The following MAPK10 variants were observed in gnomAD, a reference collection of about 807,000 sequenced individuals.
MAPK10 encodes mitogen-activated protein kinase 10.
MAPK10 carries 25 observed loss-of-function variants against 59.3 expected under a neutral mutation model. The observed-to-expected ratio is 0.42, with a 90% confidence interval of 0.31 to 0.59. The LOEUF (loss-of-function observed/expected upper bound fraction) is 0.59. Among genes scored for constraint, MAPK10 ranks in the 20% least tolerant of loss-of-function variants. The pLI is 0.15. For missense variants in MAPK10, 351 were observed against 568.9 expected (o/e 0.62, Z 3.90); for synonymous variants, 190 against 200.5 (o/e 0.95, Z 0.44).
chr4:86,576,602 G>A (rs564591914), intron 1 of MAPK10, among the ~76,000 whole-genome samples: 4 of 151,794 alleles, frequency 2.6e-5, no homozygotes, highest in East Asian at 1.9e-4. Flanking sequence ...GCGAAACCCC[G>A]TCTCTACTAA....
At chr4:86,329,583 C>T (rs2290882) in intron 2 of MAPK10, among the ~76,000 whole-genome samples, 36,528 of 151,988 alleles carry the variant, frequency 0.24, 4,789 homozygotes, top group South Asian at 0.43. Flanking sequence ...CCAGCAGCAA[C>T]GAGAGATCCC....
At chr4:86,404,627 A>G (rs1194344713) in intron 1 of MAPK10, among the ~76,000 whole-genome samples, 1 of 152,202 alleles carries the variant, frequency 6.6e-6, no homozygotes, top group African/African-American at 2.4e-5. Flanking sequence ...CAATCCTACC[A>G]TTTTAAGCAC....
intron 1 of MAPK10, among the ~76,000 whole-genome samples, chr4:86,503,027 G>C (rs991974548): frequency 6.6e-6 from 1 of 152,072 alleles, no homozygotes; most frequent in Non-Finnish European, 1.5e-5. Context: ...AATCTCAAAA[G>C]AGGGACTGCT....
intron 4 of MAPK10, among the ~76,000 whole-genome samples, chr4:86,108,079 T>C (rs915363961): frequency 6.6e-6 from 1 of 152,048 alleles, no homozygotes; most frequent in African/African-American, 2.4e-5. Context: ...TCATTAACAA[T>C]AACAAAGCTC....
At chr4:86,189,782 T>G (rs1302550267) in intron 3 of MAPK10, among the ~76,000 whole-genome samples, 1 of 152,200 alleles carries the variant, frequency 6.6e-6, no homozygotes, top group Non-Finnish European at 1.5e-5. Context: ...CTTCCAATAC[T>G]CTGTTGAATA....
intron 1 of MAPK10, among the ~76,000 whole-genome samples, chr4:86,546,532 G>T (rs983512168): frequency 6.6e-6 from 1 of 150,700 alleles, no homozygotes; most frequent in Non-Finnish European, 1.5e-5. Context: ...ACTCCAGCCT[G>T]GGGGACAAGA....
At chr4:86,496,009 C>CA (rs1179699589) in intron 1 of MAPK10, among the ~76,000 whole-genome samples, 3 of 152,040 alleles carry the variant, frequency 2.0e-5, no homozygotes, top group African/African-American at 7.2e-5. Context: ...ACATAAACAT[C>CA]AAAAATTTGA....
chr4:86,052,108 A>G (rs1682303808), intron 11 of MAPK10, among the ~76,000 whole-genome samples: 1 of 152,178 alleles, frequency 6.6e-6, no homozygotes, highest in African/African-American at 2.4e-5. Flanking sequence ...TTAAATCACA[A>G]TAATAAAAAT....
chr4:86,569,525 A>G (rs1217448915), intron 1 of MAPK10, among the ~76,000 whole-genome samples: 1 of 152,196 alleles, frequency 6.6e-6, no homozygotes, highest in East Asian at 1.9e-4. Flanking sequence ...AGCACTGTTC[A>G]CACTAGCAAG....
chr4:86,291,673 A>C (rs551445298), intron 2 of MAPK10, among the ~76,000 whole-genome samples: 20 of 152,180 alleles, frequency 1.3e-4, no homozygotes, highest in African/African-American at 4.3e-4. Context: ...TAGATAATTC[A>C]TTTCTAAGCA....
chr4:86,406,095 C>T (rs1266489145), intron 1 of MAPK10, among the ~76,000 whole-genome samples: 1 of 152,136 alleles, frequency 6.6e-6, no homozygotes, highest in Non-Finnish European at 1.5e-5. Flanking sequence ...CAGAAGAATA[C>T]AGGTAAAGGA....
chr4:86,210,965 T>G (rs1255790178), intron 2 of MAPK10, among the ~76,000 whole-genome samples: 1 of 150,914 alleles, frequency 6.6e-6, no homozygotes, highest in African/African-American at 2.4e-5. Context: ...TGAGACAAAC[T>G]CCAAGGAAGA....
chr4:86,156,402 T>A (rs1391054906), intron 4 of MAPK10, among the ~76,000 whole-genome samples: 2 of 152,088 alleles, frequency 1.3e-5, no homozygotes, highest in Non-Finnish European at 2.9e-5. Context: ...CAGTTTTCTG[T>A]AAATATCCTG....
chr4:86,509,619 C>T (rs1031009797), intron 1 of MAPK10, among the ~76,000 whole-genome samples: 1 of 152,072 alleles, frequency 6.6e-6, no homozygotes, highest in African/African-American at 2.4e-5. Context: ...TAGCCAGTCC[C>T]AGCTAAAATG....
intron 2 of MAPK10, among the ~76,000 whole-genome samples, chr4:86,245,213 C>T (rs939824839): frequency 3.9e-5 from 6 of 152,174 alleles, no homozygotes; most frequent in East Asian, 1.9e-4. Flanking sequence ...CTTTAGACAG[C>T]TTATATTCGA....
At position 86,031,411 on chromosome 4, in the gene MAPK10, G is replaced by C; in HGVS notation, c.1131C>G (p.Asp377Glu). The stretch of plus-strand genomic sequence containing the variant: ...TGTGTTCTCTTTCATCCAACTGCTT[G>C]TCATATATCTGAGGTGGAGGCTGCC... ...EVEAPPPQIY[D>E]KQLDEREHTI... Residue 377 changes from aspartate to glutamate, a missense_variant, in exon 12 of 14, where the codon GAC becomes GAG. Physicochemically the swap from Asp to Glu is conservative, Grantham distance 45. This residue lies in a region of MAPK10 where 155 missense variants were observed against 204.2 expected (regional missense o/e 0.76). Transcript: ENST00000641462. 1 of 1,612,460 alleles carries C rather than the reference G, an allele frequency of 6.2e-7. No homozygotes were observed. Among genetic ancestry groups the C allele is most frequent in the Non-Finnish European group, 8.5e-7 (1 of 1,178,906 alleles).
At chr4:86,318,919 A>T (rs2095840123) in intron 2 of MAPK10, among the ~76,000 whole-genome samples, 2 of 152,116 alleles carry the variant, frequency 1.3e-5, no homozygotes, top group Non-Finnish European at 2.9e-5. Flanking sequence ...TTAAAGTGGG[A>T]CAGCCTAGAT....
intron 1 of MAPK10, among the ~76,000 whole-genome samples, chr4:86,589,345 T>C (rs1295451419): frequency 3.3e-5 from 5 of 152,198 alleles, no homozygotes; most frequent in Non-Finnish European, 7.3e-5. Flanking sequence ...TGACTGGAAC[T>C]TGTACCACTT....
chr4:86,270,483 A>C (rs1027922153), intron 2 of MAPK10, among the ~76,000 whole-genome samples: 1 of 152,084 alleles, frequency 6.6e-6, no homozygotes, highest in African/African-American at 2.4e-5. Context: ...CTCAATCAAA[A>C]TTTTAGTAAG....
Sources: allele counts gnomAD v4.1 joint callset (sites outside exome capture counted in the v4.1 genomes callset), GRCh38; gene constraint gnomAD v4.1.1; regional missense constraint gnomAD v4.1.1; transcripts MANE v1.5; gene names NCBI Gene and HGNC (gene_info 2026-07-23, HGNC 2026-07-21).